Variants in RWDD4 observed in about 807,000 individuals in gnomAD.
RWDD4 encodes RWD domain containing 4, also known as RWD domain-containing protein 4.
A neutral mutation model predicts 30.0 loss-of-function variants in RWDD4; 16 were observed. The observed-to-expected ratio is 0.53, with a 90% CI of 0.36 to 0.81. RWDD4 has a LOEUF of 0.81. RWDD4 is among the 30% of genes least tolerant of loss of function. The probability of loss-of-function intolerance (pLI) is 0.00; values close to 1 mark genes in which losing one functional copy is unlikely to be tolerated. For missense variants in RWDD4, 170 were observed against 223.9 expected, an observed-to-expected ratio of 0.76 and a Z score of 1.54; for synonymous variants, 45 against 72.1, an observed-to-expected ratio of 0.62 and a Z score of 1.90.
chr4:183,644,874 A>T (rs1318919028), intron 7 of RWDD4, among the ~76,000 whole-genome samples: 1 of 152,136 alleles, frequency 6.6e-6, no homozygotes, highest in Non-Finnish European at 1.5e-5. Flanking sequence ...AGGTGGGAGG[A>T]TCACTTGAGC....
chr4:183,655,927 C>G lies in RWDD4; in HGVS notation c.59G>C (p.Gly20Ala). Residue 20 changes from glycine to alanine, a missense_variant, in exon 2 of 8, where the codon GGA becomes GCA. Physicochemically the swap from Gly to Ala is moderately conservative, Grantham distance 60. Coordinates refer to ENST00000326397, the MANE Select transcript of RWDD4 (RefSeq NM_152682.4). Reference sequence around the variant, plus strand: ...ACTTAATTCCCGGAAACTTTCATCTCCTTCATAAATAGAGCGTAATGCTTC... The same window carrying G: ...ACTTAATTCCCGGAAACTTTCATCTGCTTCATAAATAGAGCGTAATGCTTC... ...ELEALRSIYE[G>A]DESFRELSPV... 1 of 1,611,806 alleles carries G rather than the reference C, an allele frequency of 6.2e-7. No individual in the cohort carries two copies. Among genetic ancestry groups the G allele is most frequent in the South Asian group, 1.1e-5 (1 of 91,008 alleles).
rs1734069408 is a variant in RWDD4, at chr4:183,651,221, G to A, written c.212C>T (p.Thr71Ile). Residue 71 changes from threonine (T) to isoleucine (I), a missense_variant, in exon 3 of 8, where the codon ACC becomes ATC. Coordinates refer to ENST00000326397, the MANE Select transcript of RWDD4 (RefSeq NM_152682.4). ...GTAAAAACAAGACACTACTCACATG[G>A]TGTTGTTAAAAAAAGCGTTCATAGA... Reference protein sequence around the residue: ...ILSMNAFFNNTISSAVKQSIL... With the variant: ...ILSMNAFFNNIISSAVKQSIL... 6.2e-7 allele frequency: 1 copy of A among 1,613,448 alleles called. No homozygotes were observed. Among genetic ancestry groups the A allele is most frequent in the Non-Finnish European group, 8.5e-7 (1 of 1,179,560 alleles).
intron 2 of RWDD4, among the ~76,000 whole-genome samples, chr4:183,651,934 T>C (rs1734084919): frequency 6.6e-6 from 1 of 152,262 alleles, no homozygotes; most frequent in South Asian, 2.1e-4. Flanking sequence ...TGAAATAGTA[T>C]AATGAACACT....
chr4:183,655,972 G>C lies in RWDD4; in HGVS notation c.25-11C>G. The C allele has an allele frequency of 4.4e-6, 7 of 1,573,798 alleles. No individual in the cohort carries two copies. The highest frequency in any genetic ancestry group is 6.1e-6 in the Non-Finnish European group (7 of 1,146,824). ...TGCTTCTAGTTCCATCTGAAATAAA[G>C]AACTGAATGAGTTTTGTTTAGTGGT... On this transcript the variant is annotated splice_polypyrimidine_tract_variant and intron_variant, in intron 1 of 7. Transcript: ENST00000326397.
At chr4:183,656,519 T>G (rs1561014955) in intron 1 of RWDD4, among the ~76,000 whole-genome samples, 1 of 152,256 alleles carries the variant, frequency 6.6e-6, no homozygotes, top group Non-Finnish European at 1.5e-5. Flanking sequence ...AGAGAAAATG[T>G]AACTAGTAAT....
intron 5 of RWDD4, among the ~76,000 whole-genome samples, chr4:183,648,939 T>A (rs1036326134): frequency 1.3e-5 from 2 of 152,074 alleles, no homozygotes; most frequent in African/African-American, 4.8e-5. Context: ...GGCTGCCTCC[T>A]GGGTTCAAGC....
chr4:183,650,798 A>G (rs1319855575), intron 4 of RWDD4, among the ~76,000 whole-genome samples, 186 bp downstream of exon 4: 1 of 152,248 alleles, frequency 6.6e-6, no homozygotes, highest in Non-Finnish European at 1.5e-5. Context: ...TCTAGAGAAT[A>G]TAATATCATT....
At position 183,650,880 on chromosome 4, in the gene RWDD4, A is replaced by G. The variant is rs1410008115; in HGVS notation, c.363+104T>C. On this transcript the variant is annotated intron_variant, in intron 4 of 7. Transcript: ENST00000326397. ...CTCAGGTGTAACTCTCACTTTAACAAGTCTTCTTCCGATTTTGAATATATA... is the reference window on the plus strand; with the variant it reads ...CTCAGGTGTAACTCTCACTTTAACAGGTCTTCTTCCGATTTTGAATATATA... 2.2e-5 allele frequency: 25 copies of G among 1,155,652 alleles called. 1 individual carries two copies. In the South Asian group the frequency reaches 3.2e-4, roughly 15 times the overall value. The allele number at this position is 1,155,652 out of a possible 1,614,324, so 71.6% of individuals were successfully genotyped here.
At position 183,652,361 on chromosome 4, in the gene RWDD4, C is replaced by CTTTTTTT. The variant is rs59841926; in HGVS notation, c.106-1041_106-1035dup. Among the ~76,000 whole-genome samples, 1,156 of 123,208 alleles carry CTTTTTTT rather than the reference C, an allele frequency of 9.4e-3. 50 individuals carry two copies. Among genetic ancestry groups the CTTTTTTT allele is most frequent in the African/African-American group, 0.029 (910 of 31,258 alleles). 80.8% of individuals were successfully genotyped at this position (123,208 alleles called of 152,430 possible). A position where few individuals can be genotyped will look rare whatever the true frequency, so the allele number is the denominator to read the frequency against. On this transcript the variant is annotated intron_variant, in intron 2 of 7. Coordinates refer to ENST00000326397, the MANE Select transcript of RWDD4 (RefSeq NM_152682.4). The stretch of plus-strand genomic sequence containing the variant: ...AACAGTCCCCAGCCCTCTCCCCTGG[C>CTTTTTTT]TTTTTTTTTTTTTTTTTGAGACAGG...
At chr4:183,652,488 T>C (rs1308388901) in intron 2 of RWDD4, among the ~76,000 whole-genome samples, 1 of 141,402 alleles carries the variant, frequency 7.1e-6, no homozygotes, top group African/African-American at 2.7e-5. Context: ...AGAGCAAGAG[T>C]CTGTGGCAAA....
chr4:183,655,803 A>G lies in RWDD4; in HGVS notation c.105+78T>C, dbSNP rs1734181486. On this transcript the variant is annotated intron_variant, in intron 2 of 7. Coordinates refer to ENST00000326397, the MANE Select transcript of RWDD4 (RefSeq NM_152682.4). ...CATAATAAATTTAAACAAGTTTAAA[A>G]AACAAAATAAGCATTTTTAGCCACT... The G allele has an allele frequency of 6.1e-6, 5 of 820,598 alleles. No individual in the cohort carries two copies. In the Admixed American group the frequency reaches 8.9e-5, roughly 15 times the overall value. 50.8% of individuals were successfully genotyped at this position (820,598 alleles called of 1,614,324 possible).
intron 7 of RWDD4, among the ~76,000 whole-genome samples, chr4:183,643,138 G>A (rs554206436): frequency 1.6e-4 from 22 of 136,910 alleles, no homozygotes; most frequent in African/African-American, 4.8e-4. Flanking sequence ...AAAAGAAAAC[G>A]GGTTAAGGCC....
rs781164544 is a variant in RWDD4 at position 183,658,992 on chromosome 4, G to T, written c.-40C>A. 1 of 1,259,342 alleles carries T rather than the reference G, an allele frequency of 7.9e-7. No individual in the cohort carries two copies. Among genetic ancestry groups the T allele is most frequent in the Non-Finnish European group, 1.0e-6 (1 of 1,001,844 alleles). 78.0% of individuals were successfully genotyped at this position (1,259,342 alleles called of 1,614,324 possible). ...GGCGCCTCCTGAGCGGACGGCGTTCGCAACAACGAAGAGAAAGCGAAGGCA... is the reference window on the plus strand; with the variant it reads ...GGCGCCTCCTGAGCGGACGGCGTTCTCAACAACGAAGAGAAAGCGAAGGCA... On this transcript the variant is annotated 5_prime_UTR_variant, in exon 1 of 8. Transcript: ENST00000326397.
intron 7 of RWDD4, among the ~76,000 whole-genome samples, chr4:183,644,553 G>T (rs1390991766): frequency 1.3e-5 from 2 of 152,180 alleles, no homozygotes; most frequent in African/African-American, 4.8e-5. Flanking sequence ...GAGGTGAGGG[G>T]GGATCGCTTG....
chr4:183,658,597 CCTAA>C (rs1181683668), intron 1 of RWDD4, among the ~76,000 whole-genome samples: 2 of 152,200 alleles, frequency 1.3e-5, no homozygotes, highest in African/African-American at 4.8e-5. Flanking sequence ...AGGTGATCAG[CCTAA>C]CTCAGTAAAC....
At chr4:183,657,013 G>C (rs1205912217) in intron 1 of RWDD4, among the ~76,000 whole-genome samples, 1 of 151,092 alleles carries the variant, frequency 6.6e-6, no homozygotes, top group East Asian at 2.0e-4. Flanking sequence ...GCTACAGAGC[G>C]AGGCTCCGTC....
At chr4:183,642,936 G>A (rs1425652377) in intron 7 of RWDD4, among the ~76,000 whole-genome samples, 2 of 151,474 alleles carry the variant, frequency 1.3e-5, no homozygotes, top group Non-Finnish European at 2.9e-5. Context: ...GTGGGTGCCT[G>A]TAGTCCCAGC....
intron 2 of RWDD4, among the ~76,000 whole-genome samples, chr4:183,654,936 ATTTGTGTG>A (rs1734154964): frequency 2.0e-5 from 3 of 151,512 alleles, no homozygotes; most frequent in African/African-American, 7.3e-5. Context: ...ACTTATAATT[ATTTGTGTG>A]TTTTTTTTGT....
chr4:183,654,914 C>A (rs1734154284), intron 2 of RWDD4, among the ~76,000 whole-genome samples: 1 of 152,024 alleles, frequency 6.6e-6, no homozygotes, highest in South Asian at 2.1e-4. Flanking sequence ...AAAAAAACTT[C>A]CCCATTCCGC....
Sources: gnomAD v4.1 joint callset for allele counts (sites outside exome capture counted in the v4.1 genomes callset) on GRCh38, gnomAD v4.1.1 for gene constraint, MANE v1.5 for transcripts, NCBI Gene and HGNC (gene_info 2026-07-23, HGNC 2026-07-21) for gene names.